MYO5A: variants seen among roughly 807,000 people sequenced by gnomAD.
MYO5A encodes myosin VA, also known as unconventional myosin-Va.
MYO5A carries 98 observed loss-of-function variants against 249.7 expected under a neutral mutation model. The ratio of observed to expected loss-of-function variants is 0.39; its 90% CI spans 0.33 to 0.46. The LOEUF (loss-of-function observed/expected upper bound fraction) is 0.46. Among genes scored for constraint, MYO5A ranks in the 20% least tolerant of loss-of-function variants. The pLI is 0.98. For synonymous variants in MYO5A, 778 were observed against 810.6 expected (o/e 0.96, Z 0.68); for missense variants, 1,696 against 2,308.8 (o/e 0.73, Z 5.44).
At position 52,323,407 on chromosome 15, in the gene MYO5A, A is replaced by C. The variant is rs1485162163; in HGVS notation, c.4748T>G (p.Leu1583Arg). Residue 1583 changes from leucine (L) to arginine (R), a missense_variant, in exon 37 of 42, where the codon CTC becomes CGC. Leu to Arg is a moderately radical substitution (Grantham distance 102). Coordinates refer to ENST00000399233, the MANE Select transcript of MYO5A (RefSeq NM_001382347.1). ...GTGCAAAAATCGGCATGTGTTAGAG[A>C]GCCAGAAGGAGACGGTTTCAAAATC... is the stretch of plus-strand genomic sequence containing the variant. ...GDDFETVSFWLSNTCRFLHCL... is the reference protein window; with the variant it reads ...GDDFETVSFWRSNTCRFLHCL... The C allele has an allele frequency of 6.2e-7, 1 of 1,613,858 alleles. No individual in the cohort carries two copies. Among genetic ancestry groups the C allele is most frequent in the South Asian group, 1.1e-5 (1 of 91,080 alleles).
chr15:52,410,743 A>C (rs920733497), intron 5 of MYO5A, among the ~76,000 whole-genome samples: 1 of 152,016 alleles, frequency 6.6e-6, no homozygotes, highest in Admixed American at 6.6e-5. Flanking sequence ...ACGCCCAGCT[A>C]ATTTTTGTAT....
intron 36 of MYO5A, among the ~76,000 whole-genome samples, chr15:52,325,174 G>A (rs1210439666): frequency 1.3e-5 from 2 of 152,276 alleles, no homozygotes; most frequent in Admixed American, 6.5e-5. Context: ...AACTGTGCTG[G>A]TCACTGTCGG....
chr15:52,407,555 T>A (rs949801875), intron 7 of MYO5A, among the ~76,000 whole-genome samples, 156 bp from the exon 8 acceptor site: 3 of 150,986 alleles, frequency 2.0e-5, no homozygotes, highest in Admixed American at 6.6e-5. Context: ...AATAAAAAAT[T>A]AAAAATTAAA....
rs191144115 is a variant in MYO5A at position 52,511,125 on chromosome 15, C to A, written c.27+17655G>T. On this transcript the variant is annotated intron_variant, in intron 1 of 41. Coordinates refer to ENST00000399233, the MANE Select transcript of MYO5A (RefSeq NM_001382347.1). ...TCATTTTCCTGAGACAAAGGCACTG[C>A]TCCTTACACAGACTCAGAAAACTCT... Among the ~76,000 whole-genome samples, 6 of 152,318 alleles carry A rather than the reference C, an allele frequency of 3.9e-5. No homozygotes were observed. The East Asian group carries it at 1.2e-3, about 29-fold the overall frequency.
chr15:52,361,158 G>C (rs12898596), intron 24 of MYO5A, among the ~76,000 whole-genome samples: 6 of 152,184 alleles, frequency 3.9e-5, no homozygotes, highest in Non-Finnish European at 7.3e-5. Flanking sequence ...AAACGATCCA[G>C]AAGCTGGGGT....
chr15:52,420,306 CAA>C (rs3079056), intron 4 of MYO5A, among the ~76,000 whole-genome samples: 42,790 of 124,260 alleles, frequency 0.34, 7,898 homozygotes, highest in East Asian at 0.66. Context: ...CCCTGTATTA[CAA>C]AAAAAAAAAA....
At chr15:52,516,718 T>G (rs1470925046) in intron 1 of MYO5A, among the ~76,000 whole-genome samples, 1 of 152,234 alleles carries the variant, frequency 6.6e-6, no homozygotes, top group Non-Finnish European at 1.5e-5. Context: ...AGCAGGTTGT[T>G]GATGCTGAAG....
At chr15:52,454,280 A>G (rs978716560) in intron 1 of MYO5A, among the ~76,000 whole-genome samples, 1 of 152,190 alleles carries the variant, frequency 6.6e-6, no homozygotes, top group African/African-American at 2.4e-5. Flanking sequence ...AGGTCACTAT[A>G]TAATGATAAA....
chr15:52,331,641 G>C (rs1253050657), intron 34 of MYO5A: 10 of 982,090 alleles, frequency 1.0e-5, no homozygotes, highest in Non-Finnish European at 9.7e-6. Flanking sequence ...GTAATTTCCT[G>C]GGTTAGTTCT....
At chr15:52,491,228 A>G (rs1242811164) in intron 1 of MYO5A, among the ~76,000 whole-genome samples, 1 of 152,186 alleles carries the variant, frequency 6.6e-6, no homozygotes, top group Non-Finnish European at 1.5e-5. Flanking sequence ...TGATAACTAC[A>G]TTGGGCCTTG....
chr15:52,364,837 T>C (rs1407176880), intron 23 of MYO5A, 135 bp from the exon 24 acceptor site: 4 of 955,238 alleles, frequency 4.2e-6, no homozygotes, highest in Non-Finnish European at 6.3e-6. Context: ...AAGAGTGTCT[T>C]AGTAAAATTT....
rs2037678029 is a variant in MYO5A at position 52,308,241 on chromosome 15, G to GTATAAAAAAGTATAAAATAAAAAATA, written c.*5454_*5455insTATTTTTTATTTTATACTTTTTTATA. ...ATAGACCAAATTACAAATAAAAAAA[G>GTATAAAAAAGTATAAAATAAAAAATA]TATAAAAAGCATTTTGGAAGATATT... is the stretch of plus-strand genomic sequence containing the variant. On this transcript the variant is annotated 3_prime_UTR_variant, in exon 42 of 42. Coordinates refer to ENST00000399233, the MANE Select transcript of MYO5A (RefSeq NM_001382347.1). 6.6e-6 allele frequency: 1 copy of GTATAAAAAAGTATAAAATAAAAAATA among 152,130 alleles called. No homozygotes were observed. The highest frequency in any genetic ancestry group is 6.5e-5 in the Admixed American group (1 of 15,268). The allele number at this position is 152,130 out of a possible 1,614,324, so 9.4% of individuals were successfully genotyped here.
intron 12 of MYO5A, among the ~76,000 whole-genome samples, chr15:52,391,308 A>G (rs564219882): frequency 6.6e-6 from 1 of 152,338 alleles, no homozygotes; most frequent in South Asian, 2.1e-4. Flanking sequence ...AGTGAGGCTG[A>G]GAACCTTTTC....
chr15:52,343,075 C>T, intron 31 of MYO5A, 42 bp downstream of exon 31: 1 of 1,539,602 alleles, frequency 6.5e-7, no homozygotes, highest in Non-Finnish European at 9.0e-7. Flanking sequence ...GTAAGAAAAA[C>T]AACAAATTAA....
intron 1 of MYO5A, among the ~76,000 whole-genome samples, chr15:52,434,608 C>A (rs981760064): frequency 4.6e-5 from 7 of 152,158 alleles, no homozygotes; most frequent in Admixed American, 4.6e-4. Flanking sequence ...ACTAGATACT[C>A]CCTGGACATA....
In MYO5A at chr15:52,313,853, G is replaced by A; in HGVS notation, c.5491-5C>T. On this transcript the variant is annotated splice_polypyrimidine_tract_variant and splice_region_variant and intron_variant, in intron 41 of 41. Transcript: ENST00000399233. ...TTTCCTGTCTCGTAAACGCATCTGA[G>A]AAGATTAGGAAAAAAAATAAACAGA... 6.2e-7 allele frequency: 1 copy of A among 1,613,690 alleles called. No individual in the cohort carries two copies. Among genetic ancestry groups the A allele is most frequent in the Non-Finnish European group, 8.5e-7 (1 of 1,179,854 alleles).
intron 1 of MYO5A, among the ~76,000 whole-genome samples, chr15:52,453,846 A>C (rs565388075): frequency 1.1e-4 from 17 of 152,278 alleles, no homozygotes; most frequent in South Asian, 6.2e-4. Context: ...TGGTAACTAC[A>C]AAGTAAAAAC....
rs754427330 is a variant in MYO5A at position 52,351,254 on chromosome 15, C to G, written c.3849G>C (p.Lys1283Asn). Residue 1283 changes from lysine to asparagine, a missense_variant and splice_region_variant, in exon 28 of 42, where the codon AAG becomes AAC. Around this residue, in one of 5 missense-constraint regions of MYO5A, gnomAD observed 625 missense variants for 908.1 expected, o/e 0.69. Coordinates refer to ENST00000399233, the MANE Select transcript of MYO5A (RefSeq NM_001382347.1). Reference sequence around the variant, plus strand: ...AGTTTAATTGTGTGCTTGCGCTTACCTTGGGTTGGATGGCCTCTTTCTGGC... The same window carrying G: ...AGTTTAATTGTGTGCTTGCGCTTACGTTGGGTTGGATGGCCTCTTTCTGGC... Reference protein sequence around the residue: ...LVSQKEAIQPKDDKNTMTDST... With the variant: ...LVSQKEAIQPNDDKNTMTDST... 3 of 1,613,778 alleles carry G rather than the reference C, an allele frequency of 1.9e-6. No individual in the cohort carries two copies. The highest frequency in any genetic ancestry group is 2.5e-6 in the Non-Finnish European group (3 of 1,179,772).
chr15:52,485,201 T>A (rs776115761), intron 1 of MYO5A, among the ~76,000 whole-genome samples: 4 of 139,378 alleles, frequency 2.9e-5, no homozygotes, highest in South Asian at 4.5e-4. Flanking sequence ...CCTTCTCTAC[T>A]AAAGATCTGT....
Sources: allele counts gnomAD v4.1 joint callset (sites outside exome capture counted in the v4.1 genomes callset), GRCh38; gene constraint gnomAD v4.1.1; regional missense constraint gnomAD v4.1.1; transcripts MANE v1.5; gene names NCBI Gene and HGNC (gene_info 2026-07-23, HGNC 2026-07-21).